Variants in CAPRIN1 observed in about 807,000 individuals in gnomAD.
The protein encoded by CAPRIN1 is cell cycle associated protein 1.
Under a neutral mutation model 100.9 loss-of-function variants are expected in CAPRIN1, and 29 were observed. The ratio of observed to expected loss-of-function variants is 0.29; its 90% confidence interval spans 0.21 to 0.39. The LOEUF (loss-of-function observed/expected upper bound fraction) is 0.39, where lower values mean the gene tolerates loss of function less well. CAPRIN1 is among the 10% of genes least tolerant of loss of function. The pLI is 1.00. For synonymous variants in CAPRIN1, 338 were observed against 307.5 expected, an observed-to-expected ratio of 1.10 and a Z score of -1.04; for missense variants, 795 against 876.7, an observed-to-expected ratio of 0.91 and a Z score of 1.18.
At chr11:34,072,899 C>T (rs377039243) in intron 4 of CAPRIN1, among the ~76,000 whole-genome samples, 11 of 152,156 alleles carry the variant, frequency 7.2e-5, no homozygotes, top group African/African-American at 2.2e-4. Context: ...TATATAAATA[C>T]CTCTGTGTTA....
In CAPRIN1 at chr11:34,099,339, C is replaced by T. The variant is rs200525721; in HGVS notation, c.2102C>T (p.Pro701Leu). 68 of 1,613,702 alleles carry T rather than the reference C, an allele frequency of 4.2e-5. 1 individual carries two copies. Among genetic ancestry groups the T allele is most frequent in the South Asian group, 7.7e-5 (7 of 91,076 alleles). ...CCCCCAAGACCCAACAGAGGGATGCCGCAAATGAACACTCAGCAAGTGAAT... is the reference window on the plus strand; with the variant it reads ...CCCCCAAGACCCAACAGAGGGATGCTGCAAATGAACACTCAGCAAGTGAAT... ...GGPPRPNRGMPQMNTQQVN is the reference protein window; with the variant it reads ...GGPPRPNRGMLQMNTQQVN The change falls in exon 19 of 19, where the codon CCG becomes CTG. Residue 701 changes from proline to leucine, a missense_variant. Pro to Leu is a moderately conservative substitution (Grantham distance 98). Transcript: ENST00000341394.
intron 7 of CAPRIN1, among the ~76,000 whole-genome samples, chr11:34,081,827 G>A (rs1215483578): frequency 6.7e-6 from 1 of 148,432 alleles, no homozygotes; most frequent in East Asian, 2.0e-4. Flanking sequence ...GTGGGGGACA[G>A]GGGGCACTGA....
At chr11:34,054,222 T>G (rs1173069689) in intron 2 of CAPRIN1, among the ~76,000 whole-genome samples, 4 of 140,662 alleles carry the variant, frequency 2.8e-5, no homozygotes, top group Non-Finnish European at 6.7e-5. Flanking sequence ...GACTTGGGAT[T>G]TCTTTTTTTT....
chr11:34,059,865 C>G (rs1195784780), intron 2 of CAPRIN1, among the ~76,000 whole-genome samples: 4 of 143,070 alleles, frequency 2.8e-5, no homozygotes, highest in African/African-American at 1.0e-4. Flanking sequence ...GATGAGTAGG[C>G]AAGTAGAAGA....
rs576042440 is a variant in CAPRIN1 at position 34,081,498 on chromosome 11, C to CT, written c.827-1314dup. Among the ~76,000 whole-genome samples, 545 of 143,750 alleles carry CT rather than the reference C, an allele frequency of 3.8e-3. 2 individuals carry two copies. Among genetic ancestry groups the CT allele is most frequent in the East Asian group, 0.027 (131 of 4,910 alleles). The allele number at this position is 143,750 out of a possible 152,430, so 94.3% of individuals were successfully genotyped here. On this transcript the variant is annotated intron_variant, in intron 7 of 18. Coordinates refer to ENST00000341394, the MANE Select transcript of CAPRIN1 (RefSeq NM_005898.5). Reference sequence around the variant, plus strand: ...ACAGGCATGAGCCACTGTGCCCAGCCTTTTTTTTTTTTTGAGTCAGAGTCT... The same window carrying CT: ...ACAGGCATGAGCCACTGTGCCCAGCCTTTTTTTTTTTTTTGAGTCAGAGTCT...
chr11:34,053,140 C>T (rs374508183), intron 2 of CAPRIN1: 1 of 988,772 alleles, frequency 1.0e-6, no homozygotes, highest in African/African-American at 1.7e-5. Context: ...ACCTGTCGAG[C>T]GTCCCCTCTT....
At chr11:34,068,874 C>T (rs1850752670) in intron 2 of CAPRIN1, among the ~76,000 whole-genome samples, 1 of 152,090 alleles carries the variant, frequency 6.6e-6, no homozygotes, top group South Asian at 2.1e-4. Flanking sequence ...GTTAGATATA[C>T]AAACTCTACC....
intron 2 of CAPRIN1, among the ~76,000 whole-genome samples, chr11:34,058,413 A>G (rs770097248): frequency 6.6e-6 from 1 of 152,254 alleles, no homozygotes; most frequent in East Asian, 1.9e-4. Context: ...CTGGGATTAC[A>G]GGCGTGAGCC....
intron 4 of CAPRIN1, among the ~76,000 whole-genome samples, chr11:34,074,144 A>C (rs886971770): frequency 6.6e-6 from 1 of 152,212 alleles, no homozygotes; most frequent in Non-Finnish European, 1.5e-5. Flanking sequence ...CATAGCACCA[A>C]AGGAGAGATT....
chr11:34,059,500 C>T (rs988498311), intron 2 of CAPRIN1, among the ~76,000 whole-genome samples: 3 of 152,176 alleles, frequency 2.0e-5, no homozygotes, highest in Non-Finnish European at 4.4e-5. Flanking sequence ...GAACTCCTGA[C>T]CTTGTGATCT....
At chr11:34,081,418 C>G (rs1242573425) in intron 7 of CAPRIN1, among the ~76,000 whole-genome samples, 1 of 151,856 alleles carries the variant, frequency 6.6e-6, no homozygotes, top group African/African-American at 2.4e-5. Context: ...AGGCTGGTCT[C>G]GAACTCCTGA....
chr11:34,068,171 A>T (rs1850736717), intron 2 of CAPRIN1, among the ~76,000 whole-genome samples: 1 of 152,218 alleles, frequency 6.6e-6, no homozygotes, highest in South Asian at 2.1e-4. Context: ...CAGAAGCAAG[A>T]GGCCTTTCTT....
In CAPRIN1 at chr11:34,095,281, A is replaced by G. The variant is rs16925162; in HGVS notation, c.1706-1198A>G. On this transcript the variant is annotated intron_variant, in intron 15 of 18. Coordinates refer to ENST00000341394, the MANE Select transcript of CAPRIN1 (RefSeq NM_005898.5). ...ATTCTAAAATTCAGTTCTTTTGGCT[A>G]CTTTGTACATGGATACACATGAACC... 6.5e-3 allele frequency among the ~76,000 whole-genome samples: 992 copies of G among 152,306 alleles called. 17 individuals carry two copies. Among genetic ancestry groups the G allele is most frequent in the Admixed American group, 0.038 (584 of 15,300 alleles).
At chr11:34,094,480 A>G (rs1466559486) in intron 15 of CAPRIN1, among the ~76,000 whole-genome samples, 1 of 152,146 alleles carries the variant, frequency 6.6e-6, no homozygotes, top group Admixed American at 6.5e-5. Flanking sequence ...ACAAGTTTAT[A>G]CTTTACCAAA....
At chr11:34,097,416 ACT>A (rs1406138224) in intron 17 of CAPRIN1, 120 bp downstream of exon 17, 12 of 831,852 alleles carry the variant, frequency 1.4e-5, no homozygotes, top group Admixed American at 9.8e-5. Context: ...TGTCCAAGAC[ACT>A]CTGTTGAAAC....
intron 2 of CAPRIN1, among the ~76,000 whole-genome samples, chr11:34,067,614 C>G (rs1174353766): frequency 6.6e-6 from 1 of 152,050 alleles, no homozygotes; most frequent in African/African-American, 2.4e-5. Context: ...CTCAGCCTCC[C>G]AAGTAGCTAG....
At chr11:34,089,810 T>TA (rs1224587493) in intron 12 of CAPRIN1, among the ~76,000 whole-genome samples, 1 of 152,008 alleles carries the variant, frequency 6.6e-6, no homozygotes, top group African/African-American at 2.4e-5. Flanking sequence ...AAGTTTTTCT[T>TA]AAGTCTTGCA....
rs1565078660 is a variant in CAPRIN1, at chr11:34,052,543, C to G, written c.123C>G (p.His41Gln). Residue 41 changes from histidine (H) to glutamine (Q), a missense_variant, in exon 2 of 19, where the codon CAC becomes CAG. Coordinates refer to ENST00000341394, the MANE Select transcript of CAPRIN1 (RefSeq NM_005898.5). Reference sequence around the variant, plus strand: ...GGGCCGCCGCGCCGGCTTCTCAGCACCCCGCAACCGGCACCGGCGCTGTCC... The same window carrying G: ...GGGCCGCCGCGCCGGCTTCTCAGCAGCCCGCAACCGGCACCGGCGCTGTCC... ...GAGAAAPASQHPATGTGAVQT... is the reference protein window; with the variant it reads ...GAGAAAPASQQPATGTGAVQT... The G allele has an allele frequency of 6.2e-7, 1 of 1,608,732 alleles. No homozygotes were observed.
In CAPRIN1 at chr11:34,086,378, A is replaced by C; in HGVS notation, c.1196A>C (p.Gln399Pro). ...TCTGCACAGCCTATGAATCCAACAC[A>C]AAACATGGACATGCCCCAGCTGGTT... Reference protein sequence around the residue: ...IVSAQPMNPTQNMDMPQLVCP... With the variant: ...IVSAQPMNPTPNMDMPQLVCP... Residue 399 changes from glutamine (Q) to proline (P), a missense_variant, in exon 11 of 19, where the codon CAA (glutamine) becomes CCA (proline). Gln to Pro is a moderately conservative substitution (Grantham distance 76). This residue lies in a region of CAPRIN1 where 648 missense variants were observed against 697.9 expected (regional missense o/e 0.93). Coordinates refer to ENST00000341394, the MANE Select transcript of CAPRIN1 (RefSeq NM_005898.5). The C allele has an allele frequency of 6.2e-7, 1 of 1,613,806 alleles. No homozygotes were observed. The highest frequency in any genetic ancestry group is 8.5e-7 in the Non-Finnish European group (1 of 1,179,846).
Sources: gnomAD v4.1 joint callset for allele counts (sites outside exome capture counted in the v4.1 genomes callset) on GRCh38, gnomAD v4.1.1 for gene constraint, gnomAD v4.1.1 regional missense constraint, MANE v1.5 for transcripts, NCBI Gene and HGNC (gene_info 2026-07-23, HGNC 2026-07-21) for gene names.